PARP8: variants seen among roughly 807,000 people sequenced by gnomAD.
PARP8 encodes the protein poly(ADP-ribose) polymerase family member 8.
Under a neutral mutation model 124.1 loss-of-function variants are expected in PARP8, and 51 were observed. The observed-to-expected ratio is 0.41, with a 90% CI of 0.33 to 0.52. The LOEUF is 0.52. PARP8 is among the 20% of genes least tolerant of loss of function. The probability of loss-of-function intolerance (pLI) is 0.21; values close to 1 mark genes in which losing one functional copy is unlikely to be tolerated. For synonymous variants in PARP8, 391 were observed against 361.5 expected, an observed-to-expected ratio of 1.08 and a Z score of -0.93; for missense variants, 860 against 1,018.9, an observed-to-expected ratio of 0.84 and a Z score of 2.12.
intron 2 of PARP8, among the ~76,000 whole-genome samples, chr5:50,721,510 C>T (rs1452069468): frequency 3.3e-5 from 5 of 152,014 alleles, no homozygotes; most frequent in Middle Eastern, 3.2e-3. Flanking sequence ...AGTGAATCTT[C>T]CCCTCCCATT....
In PARP8 at chr5:50,761,832, G is replaced by A; in HGVS notation, c.357G>A (p.Gln119=). Residue 119 remains glutamine, a synonymous_variant, in exon 6 of 26, where the codon CAG becomes CAA. Coordinates refer to ENST00000281631, the MANE Select transcript of PARP8 (RefSeq NM_024615.4). ...LQKENGEESR[Q]NSTVEEDSEG... is the part of the protein sequence containing the mutation. Reference sequence around the variant, plus strand: ...TTTATTATTTTAAGGAATCAAGACAGAATAGTACAGTGGAGGAAGATTCTG... The same window carrying A: ...TTTATTATTTTAAGGAATCAAGACAAAATAGTACAGTGGAGGAAGATTCTG... The A allele has an allele frequency of 6.3e-7, 1 of 1,592,692 alleles. No homozygotes were observed. The highest frequency in any genetic ancestry group is 8.6e-7 in the Non-Finnish European group (1 of 1,165,666).
chr5:50,824,841 T>A (rs1746167383), intron 17 of PARP8, 67 bp from the exon 18 acceptor site: 1 of 1,356,024 alleles, frequency 7.4e-7, no homozygotes, highest in South Asian at 1.2e-5. Flanking sequence ...TGGTCTGATT[T>A]TCCTTTTGTG....
chr5:50,835,166 C>A, intron 25 of PARP8, 151 bp downstream of exon 25: 1 of 631,104 alleles, frequency 1.6e-6, no homozygotes, highest in Non-Finnish European at 2.7e-6. Flanking sequence ...TTTCAGTAAG[C>A]CATTAAAAAA....
rs1212822923 is a variant in PARP8 at position 50,666,730 on chromosome 5, G to A, written c.-366G>A. 5.1e-6 allele frequency: 2 copies of A among 389,602 alleles called. No individual in the cohort carries two copies. The highest frequency in any genetic ancestry group is 3.7e-6 in the Non-Finnish European group (1 of 271,828). 24.1% of individuals were successfully genotyped at this position (389,602 alleles called of 1,614,324 possible). ...GGCGCCCGCCGCCCAGCCGGTGATT[G>A]CTCTCTGGCTGTCCCCGGCACCTCG... On this transcript the variant is annotated 5_prime_UTR_variant, in exon 1 of 26. Coordinates refer to ENST00000281631, the MANE Select transcript of PARP8 (RefSeq NM_024615.4).
chr5:50,795,387 A>C lies in PARP8; in HGVS notation c.1398A>C (p.Thr466=). The part of the protein sequence containing the change: ...SLTSGLIGIL[T]PSSSSSSQLA... ...CCTCAGGGCTTATTGGTATCCTAAC[A>C]CCATCTTCATCTTCATCTTCTCAGC... is the stretch of plus-strand genomic sequence containing the variant. The change falls in exon 12 of 26, where the codon ACA becomes ACC. Residue 466 remains threonine, a synonymous_variant. Transcript: ENST00000281631. The C allele has an allele frequency of 6.2e-7, 1 of 1,602,900 alleles. No individual in the cohort carries two copies. Among genetic ancestry groups the C allele is most frequent in the Middle Eastern group, 1.7e-4 (1 of 5,982 alleles).
chr5:50,744,773 A>T lies in PARP8; in HGVS notation c.147-5378A>T, dbSNP rs752159133. ...TGCTCCAGGGATGTGAGGACAAAAG[A>T]TGAGTATGACTTTTAAAAGGAATTC... On this transcript the variant is annotated intron_variant, in intron 2 of 25. Coordinates refer to ENST00000281631, the MANE Select transcript of PARP8 (RefSeq NM_024615.4). 4.3e-6 allele frequency: 3 copies of T among 701,642 alleles called. No individual in the cohort carries two copies. The South Asian group carries it at 4.4e-5, about 10-fold the overall frequency. The allele number at this position is 701,642 out of a possible 1,614,324, so 43.5% of individuals were successfully genotyped here.
intron 10 of PARP8, among the ~76,000 whole-genome samples, chr5:50,789,878 T>C (rs1261144446): frequency 6.6e-6 from 1 of 152,198 alleles, no homozygotes; most frequent in East Asian, 1.9e-4. Flanking sequence ...GCATCATATG[T>C]GGGCTTCTAC....
chr5:50,818,716 A>T (rs1238308079), intron 15 of PARP8, among the ~76,000 whole-genome samples: 1 of 151,814 alleles, frequency 6.6e-6, no homozygotes, highest in Non-Finnish European at 1.5e-5. Flanking sequence ...TCCATGAGAT[A>T]CTTAGAAAAA....
chr5:50,735,765 C>T (rs1242510672), intron 2 of PARP8, among the ~76,000 whole-genome samples: 1 of 151,768 alleles, frequency 6.6e-6, no homozygotes. Context: ...AAGCATTAAT[C>T]TGATATTCAT....
At position 50,666,886 on chromosome 5, in the gene PARP8, A is replaced by C; in HGVS notation, c.-210A>C. On this transcript the variant is annotated 5_prime_UTR_variant, in exon 1 of 26. It removes an upstream start codon present in the reference 5' UTR. Coordinates refer to ENST00000281631, the MANE Select transcript of PARP8 (RefSeq NM_024615.4). ...AGCAGCTGGGCGGTCACATCTGGGA[A>C]TGCAAAGCCGACCTCCCCCTCCTCC... 14 of 1,378,054 alleles carry C rather than the reference A, an allele frequency of 1.0e-5. No homozygotes were observed. Among genetic ancestry groups the C allele is most frequent in the Non-Finnish European group, 1.0e-5 (11 of 1,069,178 alleles). The allele number at this position is 1,378,054 out of a possible 1,614,324, so 85.4% of individuals were successfully genotyped here.
chr5:50,813,064 T>G (rs1744656505), intron 14 of PARP8, among the ~76,000 whole-genome samples: 1 of 152,206 alleles, frequency 6.6e-6, no homozygotes, highest in East Asian at 1.9e-4. Context: ...TAGGATTGTC[T>G]TAACAATGTG....
chr5:50,677,846 G>C (rs1164088191), intron 2 of PARP8, among the ~76,000 whole-genome samples: 1 of 151,820 alleles, frequency 6.6e-6, no homozygotes, highest in Non-Finnish European at 1.5e-5. Flanking sequence ...GTTGCATTTA[G>C]GGATATGCTA....
chr5:50,676,594 A>T (rs1204538814), intron 2 of PARP8, among the ~76,000 whole-genome samples: 1 of 152,224 alleles, frequency 6.6e-6, no homozygotes, highest in Admixed American at 6.5e-5. Context: ...ATGTCCTCTT[A>T]AATTCGGTCA....
At chr5:50,820,186 A>C (rs1242145988) in intron 15 of PARP8, among the ~76,000 whole-genome samples, 8 of 152,186 alleles carry the variant, frequency 5.3e-5, no homozygotes, top group Non-Finnish European at 2.9e-5. Flanking sequence ...CAACATAGTC[A>C]GCTCTGCTGT....
chr5:50,833,345 G>A (rs1747195614), intron 23 of PARP8: 1 of 432,764 alleles, frequency 2.3e-6, no homozygotes, highest in African/African-American at 2.1e-5. Context: ...GAGTGCGTGA[G>A]CCATGTGACT....
At chr5:50,835,613 A>G (rs1224182080) in intron 25 of PARP8, among the ~76,000 whole-genome samples, 1 of 152,218 alleles carries the variant, frequency 6.6e-6, no homozygotes, top group Admixed American at 6.5e-5. Context: ...ATATGTATAC[A>G]TGTGTTTATA....
At chr5:50,809,654 G>C (rs149330061) in intron 14 of PARP8, among the ~76,000 whole-genome samples, 1 of 151,990 alleles carries the variant, frequency 6.6e-6, no homozygotes, top group East Asian at 1.9e-4. Context: ...CCATTTTATA[G>C]ATAGGAAAAA....
intron 10 of PARP8, among the ~76,000 whole-genome samples, chr5:50,790,782 C>A (rs1029012636): frequency 3.9e-5 from 6 of 152,020 alleles, no homozygotes; most frequent in African/African-American, 1.4e-4. Flanking sequence ...TAATTAATAT[C>A]CCTATCCGAG....
intron 2 of PARP8, among the ~76,000 whole-genome samples, chr5:50,695,034 A>C (rs1384824008): frequency 6.6e-6 from 1 of 152,180 alleles, no homozygotes; most frequent in East Asian, 1.9e-4. Context: ...GATGGTACCC[A>C]CCCAGACTGA....
Sources: allele counts gnomAD v4.1 joint callset (sites outside exome capture counted in the v4.1 genomes callset), GRCh38; gene constraint gnomAD v4.1.1; transcripts MANE v1.5; gene names NCBI Gene and HGNC (gene_info 2026-07-23, HGNC 2026-07-21).